RALGAPA2: variants seen among roughly 807,000 people sequenced by gnomAD.
The protein encoded by RALGAPA2 is Ral GTPase activating protein catalytic subunit alpha 2.
RALGAPA2 carries 139 observed loss-of-function variants against 230.4 expected under a neutral mutation model. That is an observed-to-expected ratio of 0.60 (90% CI 0.53 to 0.69). The LOEUF is 0.69. Ranked by LOEUF, RALGAPA2 falls within the 30% of genes least tolerant of loss-of-function variation. The probability of loss-of-function intolerance (pLI) is 0.00; values close to 1 mark genes in which losing one functional copy is unlikely to be tolerated. For synonymous variants in RALGAPA2, 847 were observed against 837.8 expected (o/e 1.01, Z -0.19); for missense variants, 2,163 against 2,276.0 (o/e 0.95, Z 1.01).
rs1410932538 is a variant in RALGAPA2, at chr20:20,535,732, A to AG, written c.3473+12_3473+13insC. 2 of 1,545,202 alleles carry AG rather than the reference A, an allele frequency of 1.3e-6. No homozygotes were observed. Among genetic ancestry groups the AG allele is most frequent in the Non-Finnish European group, 8.7e-7 (1 of 1,144,760 alleles). The stretch of plus-strand genomic sequence containing the variant: ...AAAATTCTAAAATAGTTTACCTCTT[A>AG]TTCAACATTTACCTTGCATATTCAT... On this transcript the variant is annotated intron_variant, in intron 26 of 39. Coordinates refer to ENST00000202677, the MANE Select transcript of RALGAPA2 (RefSeq NM_020343.4).
intron 36 of RALGAPA2, among the ~76,000 whole-genome samples, chr20:20,493,967 T>C (rs1024698769): frequency 2.0e-5 from 3 of 152,104 alleles, no homozygotes; most frequent in African/African-American, 4.8e-5. Flanking sequence ...AATTCAGGAG[T>C]TGACCCACAA....
chr20:20,508,019 C>T (rs1370380936), intron 33 of RALGAPA2, among the ~76,000 whole-genome samples: 1 of 152,130 alleles, frequency 6.6e-6, no homozygotes, highest in East Asian at 1.9e-4. Flanking sequence ...TCAGTTTATT[C>T]TCCTTAAAAA....
intron 20 of RALGAPA2, among the ~76,000 whole-genome samples, chr20:20,581,758 A>G (rs1450869914): frequency 6.6e-6 from 1 of 152,212 alleles, no homozygotes; most frequent in African/African-American, 2.4e-5. Flanking sequence ...ATGACATTCT[A>G]TCAAGAATTT....
chr20:20,405,519 A>G (rs958785995), intron 38 of RALGAPA2, among the ~76,000 whole-genome samples: 1 of 152,214 alleles, frequency 6.6e-6, no homozygotes, highest in East Asian at 1.9e-4. Context: ...TAGCCAAGCA[A>G]ATGAAAAGAA....
At chr20:20,581,066 G>A (rs1279177827) in intron 20 of RALGAPA2, among the ~76,000 whole-genome samples, 2 of 152,152 alleles carry the variant, frequency 1.3e-5, no homozygotes. Context: ...AGATGACAAG[G>A]TGAACTATTG....
At chr20:20,701,653 G>C (rs550620114) in intron 1 of RALGAPA2, among the ~76,000 whole-genome samples, 76 of 152,038 alleles carry the variant, frequency 5.0e-4, no homozygotes, top group African/African-American at 1.8e-3. Context: ...TTGCTAGAAC[G>C]GGGGAGGTGA....
intron 37 of RALGAPA2, among the ~76,000 whole-genome samples, chr20:20,454,077 T>C (rs2061051642): frequency 6.6e-6 from 1 of 152,212 alleles, no homozygotes. Context: ...AAAAACTTGT[T>C]TCTCAGAAGT....
At chr20:20,473,633 C>T (rs2061586972) in intron 36 of RALGAPA2, among the ~76,000 whole-genome samples, 1 of 152,188 alleles carries the variant, frequency 6.6e-6, no homozygotes, top group Non-Finnish European at 1.5e-5. Context: ...AGTTGCACCA[C>T]CACACCCAGC....
At chr20:20,547,404 A>C (rs1450157287) in intron 23 of RALGAPA2, among the ~76,000 whole-genome samples, 1 of 152,248 alleles carries the variant, frequency 6.6e-6, no homozygotes, top group African/African-American at 2.4e-5. Context: ...GTGCAAGTAC[A>C]AAGTGCAACA....
At chr20:20,543,150 T>A (rs2063694238) in intron 24 of RALGAPA2, among the ~76,000 whole-genome samples, 1 of 152,142 alleles carries the variant, frequency 6.6e-6, no homozygotes, top group Admixed American at 6.5e-5. Flanking sequence ...GTTCAAGCGA[T>A]TCTCCTGCCT....
At chr20:20,634,304 T>C (rs907354371) in intron 9 of RALGAPA2, among the ~76,000 whole-genome samples, 26 of 152,202 alleles carry the variant, frequency 1.7e-4, no homozygotes, top group African/African-American at 6.3e-4. Context: ...GTCACTGTCA[T>C]GGGATCTTTT....
chr20:20,393,201 C>G lies in RALGAPA2; in HGVS notation c.*88G>C, dbSNP rs766943220. The G allele has an allele frequency of 3.0e-6, 4 of 1,350,406 alleles. No homozygotes were observed. Among genetic ancestry groups the G allele is most frequent in the Non-Finnish European group, 3.9e-6 (4 of 1,014,108 alleles). 83.7% of individuals were successfully genotyped at this position (1,350,406 alleles called of 1,614,324 possible). ...GAGGCAGGAGAGGGTGTTCTGTCTC[C>G]TCCTCACTCAGGGGCTCTTCGAGGT... On this transcript the variant is annotated 3_prime_UTR_variant, in exon 40 of 40. Coordinates refer to ENST00000202677, the MANE Select transcript of RALGAPA2 (RefSeq NM_020343.4).
At chr20:20,667,848 G>A (rs2068008131) in intron 3 of RALGAPA2, among the ~76,000 whole-genome samples, 1 of 152,168 alleles carries the variant, frequency 6.6e-6, no homozygotes, top group Non-Finnish European at 1.5e-5. Context: ...TTTAAAAAAT[G>A]CATGAAAACA....
chr20:20,669,463 C>T (rs887889964), intron 3 of RALGAPA2, among the ~76,000 whole-genome samples: 3 of 152,148 alleles, frequency 2.0e-5, no homozygotes, highest in African/African-American at 7.2e-5. Context: ...ATCCCAAATC[C>T]GTAACCCCAA....
intron 37 of RALGAPA2, among the ~76,000 whole-genome samples, chr20:20,425,763 G>C (rs939825059): frequency 5.9e-5 from 9 of 151,994 alleles, no homozygotes; most frequent in Admixed American, 5.9e-4. Flanking sequence ...AGACCTATCA[G>C]AGCAAAAAAA....
At chr20:20,622,350 A>G (rs1336309242) in intron 10 of RALGAPA2, among the ~76,000 whole-genome samples, 1 of 152,154 alleles carries the variant, frequency 6.6e-6, no homozygotes, top group Non-Finnish European at 1.5e-5. Context: ...GGTGAAATAT[A>G]TCAATCCTTA....
intron 16 of RALGAPA2, among the ~76,000 whole-genome samples, chr20:20,592,381 C>A (rs1246729339): frequency 6.6e-6 from 1 of 152,096 alleles, no homozygotes; most frequent in African/African-American, 2.4e-5. Context: ...CCAGTTGGCA[C>A]CTGCTACTCT....
chr20:20,680,250 T>C (rs1045736237), intron 2 of RALGAPA2, among the ~76,000 whole-genome samples: 1 of 152,230 alleles, frequency 6.6e-6, no homozygotes, highest in Non-Finnish European at 1.5e-5. Flanking sequence ...TCAAAGAATA[T>C]AGTCACAAAC....
intron 30 of RALGAPA2, 76 bp downstream of exon 30, chr20:20,524,330 T>G: frequency 6.5e-7 from 1 of 1,549,546 alleles, no homozygotes; most frequent in South Asian, 1.1e-5. Context: ...AATAAGTACA[T>G]GCATAAGACA....
Sources: allele counts gnomAD v4.1 joint callset (sites outside exome capture counted in the v4.1 genomes callset), GRCh38; gene constraint gnomAD v4.1.1; transcripts MANE v1.5; gene names NCBI Gene and HGNC (gene_info 2026-07-23, HGNC 2026-07-21).